UBE2E2: variants seen among roughly 807,000 people sequenced by gnomAD.
UBE2E2 encodes the protein ubiquitin-conjugating enzyme E2 E2.
UBE2E2 carries 6 observed loss-of-function variants against 24.7 expected under a neutral mutation model. The observed-to-expected ratio is 0.24, with a 90% CI of 0.13 to 0.48. The LOEUF (loss-of-function observed/expected upper bound fraction) is 0.48. UBE2E2 is among the 20% of genes least tolerant of loss of function. The probability of loss-of-function intolerance (pLI) is 0.99; values close to 1 mark genes in which losing one functional copy is unlikely to be tolerated. For synonymous variants in UBE2E2, 104 were observed against 83.6 expected (o/e 1.24, Z -1.33); for missense variants, 169 against 245.0 (o/e 0.69, Z 2.07).
At chr3:23,313,426 C>A (rs1406976287) in intron 3 of UBE2E2, among the ~76,000 whole-genome samples, 2 of 119,604 alleles carry the variant, frequency 1.7e-5, no homozygotes, top group African/African-American at 6.5e-5. Context: ...CGCTCTGTTC[C>A]CAGGCTGGAG....
chr3:23,362,236 A>G (rs1270817950), intron 3 of UBE2E2, among the ~76,000 whole-genome samples: 3 of 152,168 alleles, frequency 2.0e-5, no homozygotes, highest in African/African-American at 7.2e-5. Flanking sequence ...GCATCAATCT[A>G]TCTGGGCTCA....
chr3:23,371,485 C>T (rs1288564258), intron 3 of UBE2E2, among the ~76,000 whole-genome samples: 3 of 151,942 alleles, frequency 2.0e-5, no homozygotes, highest in South Asian at 2.1e-4. Flanking sequence ...TTCTACCAAG[C>T]GAGGTATTTT....
intron 3 of UBE2E2, among the ~76,000 whole-genome samples, chr3:23,300,155 T>A (rs1417938209): frequency 1.3e-5 from 2 of 152,228 alleles, no homozygotes; most frequent in Non-Finnish European, 2.9e-5. Flanking sequence ...CCTCCATCCC[T>A]TTGTTTTGAG....
chr3:23,386,015 C>T (rs900795595), intron 3 of UBE2E2, among the ~76,000 whole-genome samples: 14 of 152,218 alleles, frequency 9.2e-5, no homozygotes, highest in African/African-American at 2.6e-4. Flanking sequence ...GTTCTAAAAT[C>T]GAATAGAATT....
intron 3 of UBE2E2, among the ~76,000 whole-genome samples, chr3:23,222,630 A>C (rs946109752): frequency 1.3e-5 from 2 of 152,246 alleles, no homozygotes; most frequent in African/African-American, 4.8e-5. Flanking sequence ...CTCTCAAGCC[A>C]GGTGGAACCA....
At chr3:23,234,981 G>A (rs1414231967) in intron 3 of UBE2E2, among the ~76,000 whole-genome samples, 1 of 152,170 alleles carries the variant, frequency 6.6e-6, no homozygotes, top group African/African-American at 2.4e-5. Context: ...AATGAGATAA[G>A]CTAAGATACA....
At chr3:23,506,161 A>G (rs559084161) in intron 4 of UBE2E2, among the ~76,000 whole-genome samples, 2 of 152,358 alleles carry the variant, frequency 1.3e-5, no homozygotes, top group Non-Finnish European at 2.9e-5. Flanking sequence ...GTTAGAGAAC[A>G]TGCAGTTGTC....
chr3:23,322,881 C>T (rs1694783269), intron 3 of UBE2E2, among the ~76,000 whole-genome samples: 1 of 151,720 alleles, frequency 6.6e-6, no homozygotes, highest in Non-Finnish European at 1.5e-5. Flanking sequence ...TTGATTTTAG[C>T]CTTAACTTAG....
At chr3:23,465,273 CTG>C (rs1039255342) in intron 3 of UBE2E2, among the ~76,000 whole-genome samples, 1 of 152,122 alleles carries the variant, frequency 6.6e-6, no homozygotes, top group African/African-American at 2.4e-5. Flanking sequence ...CAAATGAAGA[CTG>C]AACTCAGAGC....
intron 4 of UBE2E2, among the ~76,000 whole-genome samples, chr3:23,519,375 T>G (rs1442675999): frequency 6.6e-6 from 1 of 152,196 alleles, no homozygotes; most frequent in Non-Finnish European, 1.5e-5. Flanking sequence ...ACTAAAACTT[T>G]CAAATATTTA....
chr3:23,266,967 C>G (rs571080879), intron 3 of UBE2E2, among the ~76,000 whole-genome samples: 1 of 151,994 alleles, frequency 6.6e-6, no homozygotes, highest in Non-Finnish European at 1.5e-5. Flanking sequence ...GGGTACATAA[C>G]GAAATGAAGG....
intron 3 of UBE2E2, among the ~76,000 whole-genome samples, chr3:23,351,511 A>C (rs900302737): frequency 1.3e-5 from 2 of 152,232 alleles, no homozygotes; most frequent in African/African-American, 4.8e-5. Context: ...ACAGACACAC[A>C]CAGGCTCAAA....
chr3:23,346,437 T>C (rs1048518599), intron 3 of UBE2E2, among the ~76,000 whole-genome samples: 1 of 152,208 alleles, frequency 6.6e-6, no homozygotes, highest in African/African-American at 2.4e-5. Context: ...GGCATGACTT[T>C]CAGTAAAATG....
chr3:23,458,429 T>TGGTG (rs1390149541), intron 3 of UBE2E2, among the ~76,000 whole-genome samples: 2 of 73,156 alleles, frequency 2.7e-5, no homozygotes, highest in African/African-American at 1.5e-4. Flanking sequence ...TGGTGGTGGT[T>TGGTG]GTTGTTGTTT....
intron 3 of UBE2E2, among the ~76,000 whole-genome samples, chr3:23,299,822 C>G (rs1042358325): frequency 3.9e-5 from 6 of 152,170 alleles, no homozygotes; most frequent in Middle Eastern, 3.4e-3. Context: ...GAGCTGAGTT[C>G]AATTCCTGGG....
chr3:23,298,030 T>G (rs1225257113), intron 3 of UBE2E2, among the ~76,000 whole-genome samples: 1 of 151,872 alleles, frequency 6.6e-6, no homozygotes, highest in Non-Finnish European at 1.5e-5. Flanking sequence ...TTCCTAGATA[T>G]TTTATTCTCT....
chr3:23,466,311 T>C (rs545580986), intron 3 of UBE2E2, among the ~76,000 whole-genome samples: 1 of 152,320 alleles, frequency 6.6e-6, no homozygotes, highest in African/African-American at 2.4e-5. Flanking sequence ...AAGTGAGATG[T>C]GGAAAACAGT....
intron 3 of UBE2E2, among the ~76,000 whole-genome samples, chr3:23,226,011 C>T (rs1319697899): frequency 6.6e-6 from 1 of 152,122 alleles, no homozygotes; most frequent in Non-Finnish European, 1.5e-5. Flanking sequence ...TTCTGAGTAG[C>T]TGGAACTACA....
At chr3:23,354,922 A>C (rs1331968917) in intron 3 of UBE2E2, among the ~76,000 whole-genome samples, 1 of 152,104 alleles carries the variant, frequency 6.6e-6, no homozygotes, top group African/African-American at 2.4e-5. Flanking sequence ...ATAAAGACAC[A>C]TGCACACGTA....
Sources: allele counts gnomAD v4.1 joint callset (sites outside exome capture counted in the v4.1 genomes callset), GRCh38; gene constraint gnomAD v4.1.1; transcripts MANE v1.5; gene names NCBI Gene and HGNC (gene_info 2026-07-23, HGNC 2026-07-21).